Variants in LAMA2 observed in about 807,000 individuals in gnomAD.
The protein encoded by LAMA2 is laminin subunit alpha 2.
Under a neutral mutation model 364.8 loss-of-function variants are expected in LAMA2, and 269 were observed. The ratio of observed to expected loss-of-function variants is 0.74; its 90% CI spans 0.67 to 0.82. The LOEUF is 0.82. LAMA2 is among the 40% of genes least tolerant of loss of function. The probability of loss-of-function intolerance (pLI) is 0.00; values close to 1 mark genes in which losing one functional copy is unlikely to be tolerated. For synonymous variants in LAMA2, 1,379 were observed against 1,370.6 expected (o/e 1.01, Z -0.14); for missense variants, 3,807 against 3,873.2 (o/e 0.98, Z 0.45).
At chr6:129,374,623 G>A (rs139694555) in intron 34 of LAMA2, among the ~76,000 whole-genome samples, 1 of 151,544 alleles carries the variant, frequency 6.6e-6, no homozygotes, top group East Asian at 1.9e-4. Context: ...TGTTGTCCAG[G>A]CTGGAGTACA....
At chr6:129,416,646 T>C (rs968495758) in intron 40 of LAMA2, among the ~76,000 whole-genome samples, 3 of 152,194 alleles carry the variant, frequency 2.0e-5, no homozygotes, top group African/African-American at 7.2e-5. Flanking sequence ...GGGTGTTTCT[T>C]CACCAGCTGG....
At chr6:129,183,773 T>C (rs1015601219) in intron 10 of LAMA2, among the ~76,000 whole-genome samples, 4 of 151,498 alleles carry the variant, frequency 2.6e-5, no homozygotes, top group East Asian at 4.0e-4. Context: ...CAAACCTTTT[T>C]CTTTTCTTTT....
chr6:129,221,715 A>G (rs541778191), intron 12 of LAMA2, among the ~76,000 whole-genome samples: 4 of 152,274 alleles, frequency 2.6e-5, no homozygotes, highest in South Asian at 2.1e-4. Flanking sequence ...CACACACCCT[A>G]TGACCCAACA....
chr6:129,319,604 T>C (rs1273550800), intron 27 of LAMA2, among the ~76,000 whole-genome samples: 1 of 152,172 alleles, frequency 6.6e-6, no homozygotes, highest in Non-Finnish European at 1.5e-5. Context: ...AAATATCACA[T>C]TGTTTAAATA....
chr6:129,153,886 C>G (rs1037112269), intron 7 of LAMA2, among the ~76,000 whole-genome samples: 1 of 151,988 alleles, frequency 6.6e-6, no homozygotes, highest in Non-Finnish European at 1.5e-5. Context: ...TCATTCAGTG[C>G]CATCATTGAA....
chr6:129,088,663 A>T (rs536156802), intron 3 of LAMA2, among the ~76,000 whole-genome samples: 1 of 143,416 alleles, frequency 7.0e-6, no homozygotes, highest in East Asian at 2.2e-4. Context: ...GGGGCTCCTC[A>T]CTTCTCAGAC....
At chr6:129,220,658 C>G (rs1783762618) in intron 12 of LAMA2, among the ~76,000 whole-genome samples, 1 of 152,134 alleles carries the variant, frequency 6.6e-6, no homozygotes, top group South Asian at 2.1e-4. Context: ...AAATGTCATA[C>G]TTTCCAAATA....
At chr6:129,214,974 T>A (rs1783335468) in intron 12 of LAMA2, among the ~76,000 whole-genome samples, 1 of 152,206 alleles carries the variant, frequency 6.6e-6, no homozygotes, top group Non-Finnish European at 1.5e-5. Flanking sequence ...GTTTTCCTCA[T>A]ATAGATTTTG....
chr6:128,979,205 G>C (rs1451016090), intron 1 of LAMA2, among the ~76,000 whole-genome samples: 1 of 152,178 alleles, frequency 6.6e-6, no homozygotes, highest in Non-Finnish European at 1.5e-5. Context: ...GTATGTGTGA[G>C]TAGATGTTTC....
chr6:129,223,098 G>C (rs1291304211), intron 12 of LAMA2, among the ~76,000 whole-genome samples: 1 of 152,194 alleles, frequency 6.6e-6, no homozygotes, highest in Non-Finnish European at 1.5e-5. Context: ...GGCCAGTGAT[G>C]ATGAGCATTT....
At chr6:128,929,701 G>A in intron 1 of LAMA2, 4 of 1,400,000 alleles carry the variant, frequency 2.9e-6, no homozygotes, top group South Asian at 1.2e-5. Context: ...GCAATCACCC[G>A]ATGAAACCTC....
intron 29 of LAMA2, among the ~76,000 whole-genome samples, chr6:129,331,760 G>A (rs968974884): frequency 5.9e-5 from 9 of 151,832 alleles, no homozygotes; most frequent in South Asian, 2.1e-4. Flanking sequence ...TGTCTATCCC[G>A]TCTATAATTT....
chr6:129,433,037 G>A (rs190394223), intron 41 of LAMA2, among the ~76,000 whole-genome samples: 12 of 152,300 alleles, frequency 7.9e-5, no homozygotes, highest in Admixed American at 4.6e-4. Context: ...GTTCCCATAT[G>A]TGGTCACTCT....
chr6:129,090,391 T>C (rs978062147), intron 3 of LAMA2, among the ~76,000 whole-genome samples: 1 of 152,222 alleles, frequency 6.6e-6, no homozygotes, highest in Admixed American at 6.5e-5. Flanking sequence ...CATCTAAAAA[T>C]TAATACTATT....
At chr6:129,419,104 A>G (rs1481891672) in intron 40 of LAMA2, among the ~76,000 whole-genome samples, 1 of 151,158 alleles carries the variant, frequency 6.6e-6, no homozygotes, top group Non-Finnish European at 1.5e-5. Context: ...TAATTTTTTT[A>G]AAAGTCTATT....
intron 12 of LAMA2, among the ~76,000 whole-genome samples, chr6:129,209,588 G>C (rs1012208358): frequency 6.6e-6 from 1 of 152,184 alleles, no homozygotes; most frequent in Non-Finnish European, 1.5e-5. Flanking sequence ...AGATAAGCCA[G>C]GTTAAGGGGT....
intron 8 of LAMA2, chr6:129,159,028 G>T (rs1779301326): frequency 8.2e-6 from 13 of 1,580,110 alleles, no homozygotes; most frequent in African/African-American, 1.3e-5. Flanking sequence ...TCCCAGTGCC[G>T]TGGAGCATAC....
intron 12 of LAMA2, among the ~76,000 whole-genome samples, chr6:129,212,641 C>T (rs1221129611): frequency 6.6e-6 from 1 of 152,148 alleles, no homozygotes; most frequent in Non-Finnish European, 1.5e-5. Context: ...CAGCTATTTA[C>T]TTTCTAGTCA....
chr6:129,431,919 A>G (rs927448110), intron 41 of LAMA2, among the ~76,000 whole-genome samples: 4 of 152,220 alleles, frequency 2.6e-5, no homozygotes, highest in African/African-American at 9.6e-5. Context: ...CTGTGTTATT[A>G]TTTTATATTT....
Sources: allele counts gnomAD v4.1 joint callset (sites outside exome capture counted in the v4.1 genomes callset), GRCh38; gene constraint gnomAD v4.1.1; transcripts MANE v1.5; gene names NCBI Gene and HGNC (gene_info 2026-07-23, HGNC 2026-07-21).